Variants in ATG10 observed in about 807,000 individuals in gnomAD.
ATG10 encodes the protein autophagy related 10.
A neutral mutation model predicts 32.1 loss-of-function variants in ATG10; 30 were observed. The observed-to-expected ratio is 0.94, with a 90% CI of 0.70 to 1.27. The LOEUF (loss-of-function observed/expected upper bound fraction) is 1.27. Among genes scored for constraint, ATG10 ranks in the 50% most tolerant of loss-of-function variants. ATG10 has a pLI of 0.00. For missense variants in ATG10, 233 were observed against 262.3 expected (o/e 0.89, Z 0.77); for synonymous variants, 87 against 91.5 (o/e 0.95, Z 0.28).
intron 5 of ATG10, among the ~76,000 whole-genome samples, chr5:82,221,403 T>C (rs1745920669): frequency 1.3e-5 from 2 of 152,214 alleles, no homozygotes; most frequent in Non-Finnish European, 2.9e-5. Context: ...TTCAATGACA[T>C]GACTGATCTG....
intron 5 of ATG10, among the ~76,000 whole-genome samples, chr5:82,232,176 T>C (rs1746389773): frequency 6.6e-6 from 1 of 152,186 alleles, no homozygotes. Flanking sequence ...AGTGGTGTCC[T>C]TGGTTTAGTG....
At chr5:82,235,755 C>T (rs548592535) in intron 5 of ATG10, among the ~76,000 whole-genome samples, 1 of 152,248 alleles carries the variant, frequency 6.6e-6, no homozygotes, top group South Asian at 2.1e-4. Flanking sequence ...TTAATGAAAA[C>T]ATTGACTTGG....
intron 2 of ATG10, among the ~76,000 whole-genome samples, chr5:82,012,612 C>G (rs1762157918): frequency 2.0e-5 from 3 of 152,126 alleles, no homozygotes; most frequent in Admixed American, 2.0e-4. Flanking sequence ...GGCTAATTCC[C>G]CATAGTAGTC....
At position 82,252,628 on chromosome 5, in the gene ATG10, C is replaced by A; in HGVS notation, c.520C>A (p.Pro174Thr). ...HPCKTNEFMTPVLKNSQKINK... is the reference protein window; with the variant it reads ...HPCKTNEFMTTVLKNSQKINK... The stretch of plus-strand genomic sequence containing the variant: ...CTGCAAGACGAATGAATTCATGACT[C>A]CTGTATTAAAGAATTCTCAGAAAAT... Residue 174 changes from proline to threonine, a missense_variant, in exon 6 of 8, where the codon CCT (proline) becomes ACT (threonine). Coordinates refer to ENST00000282185, the MANE Select transcript of ATG10 (RefSeq NM_031482.5). The A allele has an allele frequency of 6.2e-7, 1 of 1,602,014 alleles. No individual in the cohort carries two copies. Among genetic ancestry groups the A allele is most frequent in the South Asian group, 1.1e-5 (1 of 88,320 alleles).
intron 5 of ATG10, among the ~76,000 whole-genome samples, chr5:82,208,645 G>A (rs1745387151): frequency 6.6e-6 from 1 of 152,144 alleles, no homozygotes; most frequent in South Asian, 2.1e-4. Flanking sequence ...TGTGAGGTTT[G>A]CATTAGATTT....
intron 2 of ATG10, among the ~76,000 whole-genome samples, chr5:82,032,506 T>TA (rs1193689262): frequency 2.0e-5 from 3 of 151,928 alleles, no homozygotes. Context: ...CTCTCTCAAT[T>TA]AAAAAAAGGT....
chr5:82,105,415 A>G (rs1468652744), intron 3 of ATG10, among the ~76,000 whole-genome samples: 1 of 152,134 alleles, frequency 6.6e-6, no homozygotes, highest in Non-Finnish European at 1.5e-5. Flanking sequence ...TTAAAGTGGA[A>G]TGAATCATTG....
At chr5:82,250,609 A>ATG (rs1210849884) in intron 5 of ATG10, among the ~76,000 whole-genome samples, 1 of 152,030 alleles carries the variant, frequency 6.6e-6, no homozygotes, top group Non-Finnish European at 1.5e-5. Context: ...TCCAAGTCTA[A>ATG]TGTCACCACA....
At chr5:82,230,471 C>CGCCT (rs1746314004) in intron 5 of ATG10, among the ~76,000 whole-genome samples, 1 of 152,030 alleles carries the variant, frequency 6.6e-6, no homozygotes, top group Non-Finnish European at 1.5e-5. Context: ...CGGTGGCTCA[C>CGCCT]GCCTGTAATC....
At chr5:82,232,884 C>T (rs1746420304) in intron 5 of ATG10, among the ~76,000 whole-genome samples, 1 of 152,172 alleles carries the variant, frequency 6.6e-6, no homozygotes, top group African/African-American at 2.4e-5. Flanking sequence ...CTGGACTCTG[C>T]CTTCCTTTCT....
At chr5:81,982,709 G>T (rs1015918988) in intron 1 of ATG10, among the ~76,000 whole-genome samples, 22 of 152,204 alleles carry the variant, frequency 1.4e-4, no homozygotes, top group African/African-American at 3.9e-4. Context: ...AGGACCCTGC[G>T]GCCTTCCGCA....
At chr5:82,197,627 G>C (rs559716796) in intron 5 of ATG10, among the ~76,000 whole-genome samples, 15 of 151,848 alleles carry the variant, frequency 9.9e-5, no homozygotes, top group Non-Finnish European at 2.2e-4. Flanking sequence ...CCTCTCAGTC[G>C]TTTTCTTCCC....
intron 4 of ATG10, among the ~76,000 whole-genome samples, chr5:82,168,525 A>G (rs539154562): frequency 8.5e-5 from 13 of 152,336 alleles, no homozygotes; most frequent in Non-Finnish European, 1.5e-4. Context: ...GCATTTGAAT[A>G]GAGGAGGAAT....
At chr5:82,230,249 C>T (rs1561369313) in intron 5 of ATG10, among the ~76,000 whole-genome samples, 1 of 152,140 alleles carries the variant, frequency 6.6e-6, no homozygotes, top group Non-Finnish European at 1.5e-5. Flanking sequence ...CTACTTAAAA[C>T]AGTGAGGGAC....
intron 3 of ATG10, among the ~76,000 whole-genome samples, chr5:82,138,867 C>A (rs1181306077): frequency 1.1e-5 from 1 of 90,480 alleles, no homozygotes; most frequent in South Asian, 6.0e-4. Flanking sequence ...CCCCCTCCCC[C>A]TCCCCCTCCC....
chr5:81,983,122 AG>A (rs1761109180), intron 1 of ATG10, among the ~76,000 whole-genome samples: 1 of 151,166 alleles, frequency 6.6e-6, no homozygotes, highest in Non-Finnish European at 1.5e-5. Context: ...ACTTCCCAGT[AG>A]GGGCGGCCGG....
chr5:82,212,462 G>T (rs1311227331), intron 5 of ATG10, among the ~76,000 whole-genome samples: 5 of 152,120 alleles, frequency 3.3e-5, no homozygotes, highest in Non-Finnish European at 7.4e-5. Context: ...TCCCTTCAAA[G>T]ATTTTGAACC....
chr5:82,236,805 T>C (rs1262343128), intron 5 of ATG10, among the ~76,000 whole-genome samples: 1 of 152,218 alleles, frequency 6.6e-6, no homozygotes, highest in Non-Finnish European at 1.5e-5. Flanking sequence ...TAGAGTAAAG[T>C]GTGGCTCACT....
chr5:82,114,455 G>A (rs1236609917), intron 3 of ATG10, among the ~76,000 whole-genome samples: 1 of 151,996 alleles, frequency 6.6e-6, no homozygotes, highest in Non-Finnish European at 1.5e-5. Context: ...TTGGTTTCCT[G>A]CCCTGCCCAC....
Sources: gnomAD v4.1 joint callset for allele counts (sites outside exome capture counted in the v4.1 genomes callset) on GRCh38, gnomAD v4.1.1 for gene constraint, MANE v1.5 for transcripts, NCBI Gene and HGNC (gene_info 2026-07-23, HGNC 2026-07-21) for gene names.